Variants in RNF212 observed in about 807,000 individuals in gnomAD.
RNF212 encodes the protein probable E3 SUMO-protein ligase RNF212.
A neutral mutation model predicts 34.7 loss-of-function variants in RNF212; 33 were observed. That is an observed-to-expected ratio of 0.95 (90% CI 0.72 to 1.27). RNF212 has a LOEUF of 1.27. RNF212 is among the 50% of genes most tolerant of loss of function. RNF212 has a pLI of 0.00. For synonymous variants in RNF212, 140 were observed against 136.1 expected (o/e 1.03, Z -0.20); for missense variants, 377 against 362.2 (o/e 1.04, Z -0.33).
chr4:1,073,732 G>A, intron 8 of RNF212, 70 bp from the exon 9 acceptor site: 3 of 998,512 alleles, frequency 3.0e-6, no homozygotes, highest in Non-Finnish European at 4.8e-6. Context: ...GACTCCCACT[G>A]TCTGTTAGGA....
intron 2 of RNF212, among the ~76,000 whole-genome samples, chr4:1,102,457 T>G (rs929078865): frequency 3.3e-5 from 5 of 152,252 alleles, no homozygotes; most frequent in African/African-American, 9.6e-5. Context: ...TATGTATACA[T>G]GGACACACAC....
At chr4:1,079,164 TAGGACCAACAC>T (rs1156298795) in intron 8 of RNF212, among the ~76,000 whole-genome samples, 1 of 143,038 alleles carries the variant, frequency 7.0e-6, no homozygotes, top group South Asian at 2.2e-4. Context: ...AGGACCAACA[TAGGACCAACAC>T]AGGGTCAACA....
chr4:1,064,030 AAATG>A (rs1186135301), intron 3 of RNF212, among the ~76,000 whole-genome samples: 1 of 152,176 alleles, frequency 6.6e-6, no homozygotes, highest in African/African-American at 2.4e-5. Flanking sequence ...TGGAAAAAAA[AAATG>A]AAGAGAACTG....
chr4:1,078,982 TCAACAC>T, intron 8 of RNF212, among the ~76,000 whole-genome samples: 1 of 71,460 alleles, frequency 1.4e-5, no homozygotes, highest in African/African-American at 6.3e-5. Flanking sequence ...CAACACAGGG[TCAACAC>T]AGGACCAACA....
intron 4 of RNF212, among the ~76,000 whole-genome samples, chr4:1,089,964 G>A (rs1721923049): frequency 6.6e-6 from 1 of 152,180 alleles, no homozygotes. Flanking sequence ...TATGAAGACA[G>A]ACTGATACAG....
At chr4:1,110,808 A>AT (rs1195087053) in intron 1 of RNF212, among the ~76,000 whole-genome samples, 6 of 152,054 alleles carry the variant, frequency 3.9e-5, no homozygotes, top group Admixed American at 2.6e-4. Context: ...CCTTTTCACC[A>AT]CTTTTTTGTG....
chr4:1,061,693 TCTC>T (rs1331831316), intron 3 of RNF212, among the ~76,000 whole-genome samples: 1 of 152,118 alleles, frequency 6.6e-6, no homozygotes, highest in East Asian at 1.9e-4. Context: ...CCCCGGGACA[TCTC>T]AGCTCAACAA....
intron 3 of RNF212, among the ~76,000 whole-genome samples, chr4:1,059,387 T>C (rs1186334287): frequency 6.6e-6 from 1 of 152,200 alleles, no homozygotes; most frequent in African/African-American, 2.4e-5. Flanking sequence ...ACTTCTGTCT[T>C]GTATCACGGT....
At position 1,090,763 on chromosome 4, in the gene RNF212, A is replaced by G; in HGVS notation, c.303+19T>C. 2 of 1,423,228 alleles carry G rather than the reference A, an allele frequency of 1.4e-6. No individual in the cohort carries two copies. The highest frequency in any genetic ancestry group is 2.3e-5 in the South Asian group (2 of 85,430). 88.2% of individuals were successfully genotyped at this position (1,423,228 alleles called of 1,614,324 possible). On this transcript the variant is annotated intron_variant, in intron 4 of 9. Transcript: ENST00000433731. ...AAAGGTCAAAAAAATTCAAGTGGCA[A>G]TGAATCAATTCCACTTACCTTTTCT...
rs201230381 is a variant in RNF212, at chr4:1,113,412, G to C, written c.53C>G (p.Ser18Trp). 6.3e-4 allele frequency: 1,009 copies of C among 1,606,202 alleles called. 4 individuals carry two copies. Among genetic ancestry groups the C allele is most frequent in the South Asian group, 5.3e-3 (474 of 90,060 alleles). The change falls in exon 1 of 10, where the codon TCG becomes TGG. Residue 18 changes from serine (S) to tryptophan (W), a missense_variant. Ser to Trp is a radical substitution (Grantham distance 177). Transcript: ENST00000433731. ...NRCFQPPHRTSCFSLTNCGHV... is the reference protein window; with the variant it reads ...NRCFQPPHRTWCFSLTNCGHV... ...CCCGCAGTTGGTGAGGCTGAAGCAC[G>C]ACGTCCTGTGGGGCGGCTGGAAGCA... is the stretch of plus-strand genomic sequence containing the variant.
At chr4:1,060,753 C>A (rs536417569) in intron 3 of RNF212, among the ~76,000 whole-genome samples, 1 of 152,360 alleles carries the variant, frequency 6.6e-6, no homozygotes, top group African/African-American at 2.4e-5. Flanking sequence ...CTGGAGGGGA[C>A]CGCGTACTGA....
intron 3 of RNF212, among the ~76,000 whole-genome samples, chr4:1,060,133 T>C (rs1203962108): frequency 1.3e-5 from 2 of 151,602 alleles, no homozygotes; most frequent in Non-Finnish European, 2.9e-5. Flanking sequence ...AATTGTTTCC[T>C]ATTTACTCAA....
chr4:1,074,212 G>T (rs1001768081), intron 8 of RNF212, among the ~76,000 whole-genome samples: 1 of 152,182 alleles, frequency 6.6e-6, no homozygotes, highest in African/African-American at 2.4e-5. Flanking sequence ...TCTGAGACTG[G>T]TAAGGGAGGC....
At chr4:1,105,421 G>A (rs1388360794) in intron 2 of RNF212, among the ~76,000 whole-genome samples, 3 of 152,204 alleles carry the variant, frequency 2.0e-5, no homozygotes, top group Non-Finnish European at 4.4e-5. Context: ...GCGTTCAATC[G>A]TAATGGAGCA....
intron 2 of RNF212, among the ~76,000 whole-genome samples, chr4:1,107,729 C>T (rs939151341): frequency 1.6e-4 from 25 of 152,316 alleles, no homozygotes; most frequent in African/African-American, 5.8e-4. Flanking sequence ...GGATTACAGG[C>T]ATGAGCCATC....
At chr4:1,082,861 C>T (rs1041805259) in intron 5 of RNF212, among the ~76,000 whole-genome samples, 12 of 152,324 alleles carry the variant, frequency 7.9e-5, no homozygotes, top group Admixed American at 4.6e-4. Flanking sequence ...CTGGCAGGGC[C>T]GTGGCCTGGC....
At chr4:1,106,576 T>C (rs1254422068) in intron 2 of RNF212, among the ~76,000 whole-genome samples, 1 of 152,172 alleles carries the variant, frequency 6.6e-6, no homozygotes, top group Admixed American at 6.5e-5. Flanking sequence ...GTACTCAAAA[T>C]GATACAGAAT....
At chr4:1,099,694 A>G (rs2153058620) in intron 2 of RNF212, 2 of 456,232 alleles carry the variant, frequency 4.4e-6, no homozygotes, top group South Asian at 1.5e-5. Flanking sequence ...TACAGTAACG[A>G]GGATACATAG....
chr4:1,081,633 G>C lies in RNF212; in HGVS notation c.363-14C>G. Reference sequence around the variant, plus strand: ...GATGATCTCATACTAAATAGATGGAGAAAAGGTATTGAATTAAATCATAAA... The same window carrying C: ...GATGATCTCATACTAAATAGATGGACAAAAGGTATTGAATTAAATCATAAA... On this transcript the variant is annotated splice_polypyrimidine_tract_variant and intron_variant, in intron 5 of 9. Transcript: ENST00000433731. 6.3e-7 allele frequency: 1 copy of C among 1,583,932 alleles called. No individual in the cohort carries two copies. The highest frequency in any genetic ancestry group is 1.1e-5 in the South Asian group (1 of 90,362).
Sources: allele counts gnomAD v4.1 joint callset (sites outside exome capture counted in the v4.1 genomes callset), GRCh38; gene constraint gnomAD v4.1.1; transcripts MANE v1.5; gene names NCBI Gene and HGNC (gene_info 2026-07-23, HGNC 2026-07-21).